GRAP2: variants seen among roughly 807,000 people sequenced by gnomAD.
GRAP2 encodes the protein GRB2 related adaptor protein 2, also known as GRB2-related adapter protein 2.
A neutral mutation model predicts 43.5 loss-of-function variants in GRAP2; 31 were observed. That is an observed-to-expected ratio of 0.71 (90% CI 0.54 to 0.96). GRAP2 has a LOEUF of 0.96. Ranked by LOEUF, GRAP2 falls within the 40% of genes least tolerant of loss-of-function variation. The pLI is 0.00. For missense variants in GRAP2, 371 were observed against 424.4 expected (o/e 0.87, Z 1.11); for synonymous variants, 156 against 164.8 (o/e 0.95, Z 0.41).
chr22:39,895,851 T>C, the GRAP2 span, among the ~76,000 whole-genome samples: 10 of 152,228 alleles, frequency 6.6e-5, no homozygotes, highest in African/African-American at 2.4e-4. Flanking sequence ...GACTTGTCTA[T>C]ATTTGCATAG....
chr22:39,932,838 A>G (rs1257282256), intron 1 of GRAP2, among the ~76,000 whole-genome samples: 2 of 152,198 alleles, frequency 1.3e-5, no homozygotes, highest in African/African-American at 4.8e-5. Context: ...CAAGAACATT[A>G]TGAGGCAGGC....
rs565921897 is a variant in GRAP2, at chr22:39,920,601, A to C, written c.-15+19271A>C. Among the ~76,000 whole-genome samples, 13 of 152,278 alleles carry C rather than the reference A, an allele frequency of 8.5e-5. No homozygotes were observed. The South Asian group carries it at 1.0e-3, about 12-fold the overall frequency. On this transcript the variant is annotated intron_variant, in intron 1 of 7. Transcript: ENST00000344138. ...TTGAGTTGCATTTGAATTGCAGAAC[A>C]TGCTGCCCCCATTCTGTGCTGACTG...
At chr22:39,959,054 A>G (rs7288158) in intron 3 of GRAP2, among the ~76,000 whole-genome samples, 1 of 152,212 alleles carries the variant, frequency 6.6e-6, no homozygotes, top group African/African-American at 2.4e-5. Context: ...TTTATCTTAA[A>G]GGAACATGCG....
intron 4 of GRAP2, among the ~76,000 whole-genome samples, chr22:39,963,589 G>A (rs1272919748): frequency 1.3e-5 from 2 of 152,180 alleles, no homozygotes; most frequent in Admixed American, 6.5e-5. Context: ...ATTACCACCC[G>A]AAATCAGTCA....
At chr22:39,951,961 A>G (rs2066987771) in intron 2 of GRAP2, among the ~76,000 whole-genome samples, 1 of 151,936 alleles carries the variant, frequency 6.6e-6, no homozygotes, top group Admixed American at 6.6e-5. Flanking sequence ...GGTCTGAGGC[A>G]TGATAACTAA....
intron 3 of GRAP2, 61 bp from the exon 4 acceptor site, chr22:39,959,994 G>A (rs556879178): frequency 6.4e-5 from 100 of 1,563,996 alleles, no homozygotes; most frequent in African/African-American, 6.3e-4. Context: ...TCTTCTCCAC[G>A]TCTCCCTCTT....
rs111470330 is a variant in GRAP2 at position 39,954,480 on chromosome 22, T to C, written c.79-1339T>C. Reference sequence around the variant, plus strand: ...GCAAGATCACGGTTCACTGCAACCTTGCCTCCTGGGTTCAAGCAATTCTCC... The same window carrying C: ...GCAAGATCACGGTTCACTGCAACCTCGCCTCCTGGGTTCAAGCAATTCTCC... On this transcript the variant is annotated intron_variant, in intron 2 of 7. Coordinates refer to ENST00000344138, the MANE Select transcript of GRAP2 (RefSeq NM_004810.4). Among the ~76,000 whole-genome samples the C allele has an allele frequency of 8.0e-3, 1,213 of 152,226 alleles. 14 individuals are homozygous for C. Among genetic ancestry groups the C allele is most frequent in the African/African-American group, 0.027 (1,137 of 41,544 alleles).
At chr22:39,936,095 T>A (rs1021719644) in intron 1 of GRAP2, among the ~76,000 whole-genome samples, 3 of 151,992 alleles carry the variant, frequency 2.0e-5, no homozygotes, top group Admixed American at 2.0e-4. Context: ...AATCATGATG[T>A]GAATAGAAAA....
At chr22:39,911,623 T>G (rs1220321115) in intron 1 of GRAP2, among the ~76,000 whole-genome samples, 1 of 152,052 alleles carries the variant, frequency 6.6e-6, no homozygotes, top group Non-Finnish European at 1.5e-5. Flanking sequence ...CTGAGAGCAG[T>G]TTTTTTGTTC....
chr22:39,960,157 C>A lies in GRAP2; in HGVS notation c.273C>A (p.Asp91Glu), dbSNP rs540420303. Residue 91 changes from aspartate (D) to glutamate (E), a missense_variant, in exon 4 of 8, where the codon GAC becomes GAA. By Grantham distance (45) the Asp-to-Glu change is conservative. Coordinates refer to ENST00000344138, the MANE Select transcript of GRAP2 (RefSeq NM_004810.4). ...GGGCCAGCCAGAGCTCCCCAGGGGACTTCTCCATCTCTGTCAGGTACTGAC... is the reference window on the plus strand; with the variant it reads ...GGGCCAGCCAGAGCTCCCCAGGGGAATTCTCCATCTCTGTCAGGTACTGAC... ...IIRASQSSPGDFSISVRHEDD... is the reference protein window; with the variant it reads ...IIRASQSSPGEFSISVRHEDD... 1.2e-6 allele frequency: 2 copies of A among 1,613,520 alleles called. No homozygotes were observed. The highest frequency in any genetic ancestry group is 2.7e-5 in the African/African-American group (2 of 75,054).
At chr22:39,926,685 C>T in intron 1 of GRAP2, 1 of 985,096 alleles carries the variant, frequency 1.0e-6, no homozygotes, top group Non-Finnish European at 1.2e-6. Flanking sequence ...AATTCGTTGC[C>T]ATGCATGAGT....
intron 1 of GRAP2, among the ~76,000 whole-genome samples, chr22:39,916,748 C>G (rs1157539522): frequency 6.6e-6 from 1 of 152,178 alleles, no homozygotes; most frequent in Non-Finnish European, 1.5e-5. Flanking sequence ...GTGCGGGGCT[C>G]TTGGAGAAAG....
chr22:39,894,000 A>C, the GRAP2 span: 1 of 151,910 alleles, frequency 6.6e-6, no homozygotes, highest in African/African-American at 2.4e-5. Flanking sequence ...TTAATCAGAC[A>C]CTAGCATTTA....
chr22:39,898,523 C>T (rs2066474100), upstream of GRAP2, among the ~76,000 whole-genome samples: 2 of 152,188 alleles, frequency 1.3e-5, no homozygotes, highest in Non-Finnish European at 2.9e-5. Context: ...GCAAGAAGTT[C>T]AGATATTGGC....
intron 1 of GRAP2, among the ~76,000 whole-genome samples, chr22:39,933,070 G>A (rs1322050160): frequency 6.6e-6 from 1 of 152,214 alleles, no homozygotes; most frequent in Non-Finnish European, 1.5e-5. Context: ...GTGAGACCAT[G>A]GGGTATGAGG....
intron 1 of GRAP2, among the ~76,000 whole-genome samples, chr22:39,925,892 G>A (rs952750265): frequency 6.6e-6 from 1 of 152,152 alleles, no homozygotes; most frequent in African/African-American, 2.4e-5. Flanking sequence ...ATTATCTGAA[G>A]CCTTTACCTC....
intron 3 of GRAP2, among the ~76,000 whole-genome samples, chr22:39,958,062 C>T (rs1007325795): frequency 6.6e-6 from 1 of 152,116 alleles, no homozygotes; most frequent in Non-Finnish European, 1.5e-5. Context: ...CCTCATCTCC[C>T]GACCCTTCCC....
At chr22:39,948,040 A>G (rs766858217) in intron 2 of GRAP2, 2 of 152,084 alleles carry the variant, frequency 1.3e-5, no homozygotes, top group Admixed American at 6.6e-5. Flanking sequence ...AGCAGTCCCA[A>G]TGAGCCTTCT....
At chr22:39,932,065 C>CT (rs1489453301) in intron 1 of GRAP2, among the ~76,000 whole-genome samples, 2 of 152,182 alleles carry the variant, frequency 1.3e-5, no homozygotes, top group Non-Finnish European at 2.9e-5. Context: ...ATCCCAAAGG[C>CT]TAGCCCACTC....
Sources: allele counts gnomAD v4.1 joint callset (sites outside exome capture counted in the v4.1 genomes callset), GRCh38; gene constraint gnomAD v4.1.1; transcripts MANE v1.5; gene names NCBI Gene and HGNC (gene_info 2026-07-23, HGNC 2026-07-21).